ESYT2: variants seen among roughly 807,000 people sequenced by gnomAD.
ESYT2 encodes extended synaptotagmin 2.
ESYT2 carries 54 observed loss-of-function variants against 107.2 expected under a neutral mutation model. The ratio of observed to expected loss-of-function variants is 0.50; its 90% CI spans 0.40 to 0.63. ESYT2 has a LOEUF of 0.63. Ranked by LOEUF, ESYT2 falls within the 30% of genes least tolerant of loss-of-function variation. The pLI, the probability that ESYT2 is intolerant of heterozygous loss-of-function variation, is 0.00. For missense variants in ESYT2, 1,020 were observed against 1,094.5 expected (o/e 0.93, Z 0.96); for synonymous variants, 491 against 434.1 (o/e 1.13, Z -1.63).
intron 1 of ESYT2, among the ~76,000 whole-genome samples, chr7:158,820,075 G>A (rs563498436): frequency 5.9e-5 from 9 of 152,284 alleles, no homozygotes; most frequent in Admixed American, 1.3e-4. Flanking sequence ...AGACACTGCC[G>A]TAATCCATTA....
intron 17 of ESYT2, among the ~76,000 whole-genome samples, 181 bp downstream of exon 17, chr7:158,743,348 C>G (rs919147672): frequency 5.3e-5 from 8 of 152,170 alleles, no homozygotes; most frequent in Non-Finnish European, 4.4e-5. Flanking sequence ...TTTGTCTTCT[C>G]CCCGGAACCC....
At chr7:158,737,247 A>AT in intron 19 of ESYT2, 68 bp from the exon 20 acceptor site, 1 of 1,539,108 alleles carries the variant, frequency 6.5e-7, no homozygotes, top group South Asian at 1.2e-5. Flanking sequence ...GCACATTCAG[A>AT]TATGCTTTAT....
At chr7:158,792,694 G>C (rs1839338941) in intron 4 of ESYT2, among the ~76,000 whole-genome samples, 1 of 151,466 alleles carries the variant, frequency 6.6e-6, no homozygotes, top group African/African-American at 2.4e-5. Context: ...TAGTGAAAGA[G>C]GGCATTCTTG....
intron 7 of ESYT2, among the ~76,000 whole-genome samples, chr7:158,770,092 T>C (rs1449771064): frequency 1.3e-5 from 2 of 151,988 alleles, no homozygotes; most frequent in Admixed American, 6.6e-5. Context: ...GATTTCACTA[T>C]GTTGGCTAGG....
intron 16 of ESYT2, among the ~76,000 whole-genome samples, chr7:158,747,780 C>T (rs1180228066): frequency 3.3e-5 from 5 of 152,216 alleles, no homozygotes; most frequent in South Asian, 2.1e-4. Context: ...AGGTCTAAAC[C>T]GGAAAGAACC....
chr7:158,821,924 CCT>C (rs1178557595), intron 1 of ESYT2, among the ~76,000 whole-genome samples: 1 of 152,190 alleles, frequency 6.6e-6, no homozygotes. Context: ...TAACACGCCC[CCT>C]TAGTTACCAT....
rs557610502 is a variant in ESYT2 at position 158,738,485 on chromosome 7, G to A, written c.2267+538C>T. Among the ~76,000 whole-genome samples, 5 of 147,146 alleles carry A rather than the reference G, an allele frequency of 3.4e-5. No individual in the cohort carries two copies. In the East Asian group the frequency reaches 1.0e-3, roughly 29 times the overall value. ...TTTTTTCTTTTTGAGACAAAGTTTCGCTCTTGTTGCCCAGGCTGGAGTGCA... is the reference window on the plus strand; with the variant it reads ...TTTTTTCTTTTTGAGACAAAGTTTCACTCTTGTTGCCCAGGCTGGAGTGCA... On this transcript the variant is annotated intron_variant, in intron 19 of 22. Transcript: ENST00000275418.
At chr7:158,782,616 TGAG>T (rs1286580621) in intron 6 of ESYT2, among the ~76,000 whole-genome samples, 3 of 148,130 alleles carry the variant, frequency 2.0e-5, no homozygotes, top group East Asian at 2.0e-4. Context: ...GTGTGACAAA[TGAG>T]AACATGTGAA....
intron 1 of ESYT2, 66 bp downstream of exon 1, chr7:158,829,023 C>T: frequency 2.0e-6 from 3 of 1,535,968 alleles, no homozygotes; most frequent in Non-Finnish European, 2.6e-6. Context: ...AGGGGAGTGC[C>T]TGCCTGGACG....
intron 18 of ESYT2, among the ~76,000 whole-genome samples, chr7:158,739,888 G>C (rs1453064805): frequency 2.0e-5 from 3 of 151,950 alleles, no homozygotes; most frequent in Non-Finnish European, 4.4e-5. Context: ...GCGGCAGTAA[G>C]ATACCAAGCT....
intron 1 of ESYT2, among the ~76,000 whole-genome samples, chr7:158,815,430 T>TC (rs1270266811): frequency 1.3e-5 from 2 of 151,204 alleles, no homozygotes; most frequent in African/African-American, 4.9e-5. Context: ...TCATCTATCT[T>TC]CCTTCCTCCC....
intron 1 of ESYT2, among the ~76,000 whole-genome samples, chr7:158,805,964 C>T (rs1312485102): frequency 3.9e-5 from 6 of 152,178 alleles, no homozygotes; most frequent in East Asian, 1.9e-4. Context: ...ACTCTTGCCA[C>T]GAAAGGAATG....
chr7:158,820,848 G>GTTT (rs1395737232), intron 1 of ESYT2, among the ~76,000 whole-genome samples: 3 of 152,188 alleles, frequency 2.0e-5, no homozygotes, highest in East Asian at 3.8e-4. Flanking sequence ...ACTAATGCTA[G>GTTT]GATTAAACAG....
chr7:158,826,543 C>A (rs892934502), intron 1 of ESYT2, among the ~76,000 whole-genome samples: 3 of 150,908 alleles, frequency 2.0e-5, no homozygotes, highest in Non-Finnish European at 2.9e-5. Flanking sequence ...GAATTTCAGG[C>A]TGGGCGCAGT....
intron 1 of ESYT2, among the ~76,000 whole-genome samples, chr7:158,823,434 C>T (rs1459492664): frequency 2.7e-5 from 4 of 147,144 alleles, no homozygotes; most frequent in Admixed American, 2.0e-4. Context: ...TCATGCCATT[C>T]TCCTGCCTCA....
At chr7:158,736,469 A>G (rs1175209976) in intron 20 of ESYT2, among the ~76,000 whole-genome samples, 1 of 152,198 alleles carries the variant, frequency 6.6e-6, no homozygotes, top group African/African-American at 2.4e-5. Context: ...GTGGGGGCCA[A>G]TGACCCCTGG....
At chr7:158,814,358 C>A (rs2167911) in intron 1 of ESYT2, among the ~76,000 whole-genome samples, 5 of 120,258 alleles carry the variant, frequency 4.2e-5, no homozygotes, top group Non-Finnish European at 6.7e-5. Flanking sequence ...AAATAATATA[C>A]CTTACTCGTC....
At chr7:158,810,695 A>G (rs1839970393) in intron 1 of ESYT2, among the ~76,000 whole-genome samples, 1 of 151,854 alleles carries the variant, frequency 6.6e-6, no homozygotes, top group Non-Finnish European at 1.5e-5. Context: ...GGGGAAAAAA[A>G]AAGGCTCATC....
chr7:158,826,347 A>G (rs1433220119), intron 1 of ESYT2, among the ~76,000 whole-genome samples: 1 of 152,184 alleles, frequency 6.6e-6, no homozygotes, highest in Non-Finnish European at 1.5e-5. Context: ...TCCTAGGCAC[A>G]CTGAAGTTTA....
Sources: allele counts gnomAD v4.1 joint callset (sites outside exome capture counted in the v4.1 genomes callset), GRCh38; gene constraint gnomAD v4.1.1; transcripts MANE v1.5; gene names NCBI Gene and HGNC (gene_info 2026-07-23, HGNC 2026-07-21).